The following ZNF385D variants were observed in gnomAD, a reference collection of about 807,000 sequenced individuals.
The protein encoded by ZNF385D is zinc finger protein 659.
In ZNF385D, 15 loss-of-function variants were observed where a neutral mutation model predicts 35.8. The observed-to-expected ratio is 0.42, with a 90% CI of 0.28 to 0.64. The LOEUF (loss-of-function observed/expected upper bound fraction) is 0.64. Among genes scored for constraint, ZNF385D ranks in the 30% least tolerant of loss-of-function variants. The pLI is 0.23. For missense variants in ZNF385D, 474 were observed against 494.6 expected (o/e 0.96, Z 0.39); for synonymous variants, 212 against 186.8 (o/e 1.13, Z -1.10).
intron 3 of ZNF385D, among the ~76,000 whole-genome samples, chr3:21,979,384 A>C (rs1204420448): frequency 1.3e-5 from 2 of 152,224 alleles, no homozygotes; most frequent in African/African-American, 2.4e-5. Context: ...TGTAGACATA[A>C]GAAAAACTGA....
intron 3 of ZNF385D, among the ~76,000 whole-genome samples, chr3:21,881,224 C>T (rs903994900): frequency 6.6e-6 from 1 of 151,718 alleles, no homozygotes; most frequent in African/African-American, 2.4e-5. Context: ...TCATTTAGGA[C>T]TTTCATAGCT....
intron 3 of ZNF385D, among the ~76,000 whole-genome samples, chr3:22,161,370 T>C (rs1453857309): frequency 6.6e-6 from 1 of 152,094 alleles, no homozygotes; most frequent in Non-Finnish European, 1.5e-5. Flanking sequence ...TTAATACATT[T>C]GTATGCAGTA....
chr3:21,994,986 T>A (rs911789089), intron 3 of ZNF385D, among the ~76,000 whole-genome samples: 3 of 152,186 alleles, frequency 2.0e-5, no homozygotes, highest in African/African-American at 7.2e-5. Context: ...TGTGCAGTGA[T>A]GTTAGTGGGT....
In ZNF385D at chr3:21,414,824, C is replaced by T. The variant is rs867794051; in HGVS notation, c.*6390G>A. Reference sequence around the variant, plus strand: ...TATAATCCATTTAAAAACCAGATGCCATAAAATGGAATTTTTCTTGACTAT... The same window carrying T: ...TATAATCCATTTAAAAACCAGATGCTATAAAATGGAATTTTTCTTGACTAT... On this transcript the variant is annotated 3_prime_UTR_variant, in exon 8 of 8. Coordinates refer to ENST00000281523, the MANE Select transcript of ZNF385D (RefSeq NM_024697.3). 2.6e-5 allele frequency: 4 copies of T among 152,058 alleles called. No homozygotes were observed. The highest frequency in any genetic ancestry group is 7.2e-5 in the African/African-American group (3 of 41,412). 9.4% of individuals were successfully genotyped at this position (152,058 alleles called of 1,614,324 possible). A position where few individuals can be genotyped will look rare whatever the true frequency, so the allele number is the denominator to read the frequency against.
chr3:22,143,584 C>T (rs1392772066), intron 3 of ZNF385D, among the ~76,000 whole-genome samples: 1 of 151,978 alleles, frequency 6.6e-6, no homozygotes, highest in Non-Finnish European at 1.5e-5. Flanking sequence ...TGAGATAACA[C>T]GATATATATT....
At chr3:22,086,881 A>G (rs997171825) in intron 3 of ZNF385D, among the ~76,000 whole-genome samples, 1 of 152,138 alleles carries the variant, frequency 6.6e-6, no homozygotes, top group Non-Finnish European at 1.5e-5. Context: ...GGAATTGAAC[A>G]ATGAGAACAC....
chr3:21,877,059 C>T (rs57613290), intron 3 of ZNF385D, among the ~76,000 whole-genome samples: 5,183 of 152,028 alleles, frequency 0.034, 290 homozygotes, highest in African/African-American at 0.11. Context: ...TACTGTGAAC[C>T]CCTAGAGGGT....
intron 3 of ZNF385D, among the ~76,000 whole-genome samples, chr3:21,810,020 A>C (rs1023780301): frequency 6.6e-6 from 1 of 152,178 alleles, no homozygotes; most frequent in African/African-American, 2.4e-5. Flanking sequence ...GAGAGAAGGG[A>C]AACTTTCCAA....
At chr3:22,130,719 C>T (rs1468475038) in intron 3 of ZNF385D, among the ~76,000 whole-genome samples, 1 of 152,120 alleles carries the variant, frequency 6.6e-6, no homozygotes, top group Non-Finnish European at 1.5e-5. Flanking sequence ...TTCAAGACTG[C>T]CTTTTCTACC....
intron 3 of ZNF385D, among the ~76,000 whole-genome samples, chr3:22,048,059 A>G (rs371464135): frequency 5.3e-5 from 8 of 151,970 alleles, no homozygotes; most frequent in African/African-American, 1.9e-4. Context: ...AGAAACATCC[A>G]TTCATTTTTT....
intron 2 of ZNF385D, among the ~76,000 whole-genome samples, chr3:22,249,015 T>G (rs1439853250): frequency 2.0e-5 from 3 of 152,154 alleles, no homozygotes; most frequent in African/African-American, 7.2e-5. Flanking sequence ...AGCCACCTCT[T>G]ATGTGAGTGG....
At chr3:22,108,721 A>C (rs1702354873) in intron 3 of ZNF385D, among the ~76,000 whole-genome samples, 3 of 152,090 alleles carry the variant, frequency 2.0e-5, no homozygotes, top group African/African-American at 7.2e-5. Flanking sequence ...AATATAAAAA[A>C]CATGTAGCAG....
chr3:22,138,091 T>C (rs1386338542), intron 3 of ZNF385D, among the ~76,000 whole-genome samples: 2 of 151,946 alleles, frequency 1.3e-5, no homozygotes, highest in Non-Finnish European at 2.9e-5. Context: ...AGAAAATACC[T>C]AGGAATCCAC....
intron 2 of ZNF385D, among the ~76,000 whole-genome samples, chr3:22,266,965 C>A (rs975678866): frequency 6.6e-6 from 1 of 151,828 alleles, no homozygotes; most frequent in African/African-American, 2.4e-5. Context: ...AAATATAGTA[C>A]CTAGTGCTTT....
intron 3 of ZNF385D, among the ~76,000 whole-genome samples, chr3:22,105,024 C>A (rs185200537): frequency 6.6e-6 from 1 of 152,180 alleles, no homozygotes; most frequent in African/African-American, 2.4e-5. Flanking sequence ...AAACTGCTAA[C>A]ATGTTTAAAA....
At chr3:21,801,198 C>T (rs2072383683) in intron 3 of ZNF385D, among the ~76,000 whole-genome samples, 1 of 152,112 alleles carries the variant, frequency 6.6e-6, no homozygotes, top group African/African-American at 2.4e-5. Context: ...TTATAATCCT[C>T]TAAATAAGCT....
chr3:21,872,633 T>A (rs1383708048), intron 3 of ZNF385D, among the ~76,000 whole-genome samples: 2 of 152,132 alleles, frequency 1.3e-5, no homozygotes, highest in Non-Finnish European at 2.9e-5. Context: ...ACTATTTAGA[T>A]GCTGAGACCA....
chr3:21,996,312 C>T (rs965859343), intron 3 of ZNF385D, among the ~76,000 whole-genome samples: 1 of 152,126 alleles, frequency 6.6e-6, no homozygotes, highest in African/African-American at 2.4e-5. Flanking sequence ...CTTCATTTAC[C>T]TTTTCCCTGC....
intron 2 of ZNF385D, among the ~76,000 whole-genome samples, chr3:22,364,977 T>C (rs1696586141): frequency 6.6e-6 from 1 of 151,666 alleles, no homozygotes; most frequent in South Asian, 2.1e-4. Flanking sequence ...TTATGTGAAA[T>C]AAGCCAATTA....
Sources: gnomAD v4.1 joint callset for allele counts (sites outside exome capture counted in the v4.1 genomes callset) on GRCh38, gnomAD v4.1.1 for gene constraint, MANE v1.5 for transcripts, NCBI Gene and HGNC (gene_info 2026-07-23, HGNC 2026-07-21) for gene names.